USF3: variants seen among roughly 807,000 people sequenced by gnomAD.
USF3 encodes the protein basic helix-loop-helix domain-containing protein USF3.
A neutral mutation model predicts 157.5 loss-of-function variants in USF3; 29 were observed. That is an observed-to-expected ratio of 0.18 (90% CI 0.14 to 0.25). The LOEUF (loss-of-function observed/expected upper bound fraction) is 0.25, where lower values mean the gene tolerates loss of function less well. Ranked by LOEUF, USF3 falls within the 10% of genes least tolerant of loss-of-function variation. The pLI, the probability that USF3 is intolerant of heterozygous loss-of-function variation, is 1.00. For synonymous variants in USF3, 893 were observed against 941.4 expected (o/e 0.95, Z 0.94); for missense variants, 2,381 against 2,667.6 (o/e 0.89, Z 2.37).
rs905357962 is a variant in USF3 at position 113,656,789 on chromosome 3, C to G, written c.4893G>C (p.Leu1631Phe). 2 of 1,614,190 alleles carry G rather than the reference C, an allele frequency of 1.2e-6. No homozygotes were observed. The highest frequency in any genetic ancestry group is 1.7e-5 in the Admixed American group (1 of 60,024). ...TTTGCTGCTCTAAGCCTCTTGATGTCAAAAGCCTCTGCATTGGATTATGGC... is the reference window on the plus strand; with the variant it reads ...TTTGCTGCTCTAAGCCTCTTGATGTGAAAAGCCTCTGCATTGGATTATGGC... ...VSGHNPMQRL[L>F]TSRGLEQQMV... Residue 1631 changes from leucine (L) to phenylalanine (F), a missense_variant, in exon 7 of 7, where the codon TTG becomes TTC. Coordinates refer to ENST00000316407, the MANE Select transcript of USF3 (RefSeq NM_001009899.4).
rs5851904 is a variant in USF3 at position 113,652,108 on chromosome 3, A to AGTGTGTGTGTGTGTGTGTGTGTGTGT, written c.*2810_*2835dup. On this transcript the variant is annotated 3_prime_UTR_variant, in exon 7 of 7. Transcript: ENST00000316407. Reference sequence around the variant, plus strand: ...TGGAGAGAGAGAGAGAGAGAGAGAGAGTGTGTGTGTGTGTGTGTGTGTGTG... The same window carrying AGTGTGTGTGTGTGTGTGTGTGTGTGT: ...TGGAGAGAGAGAGAGAGAGAGAGAGAGTGTGTGTGTGTGTGTGTGTGTGTGTGTGTGTGTGTGTGTGTGTGTGTGTG... 1.4e-5 allele frequency: 2 copies of AGTGTGTGTGTGTGTGTGTGTGTGTGT among 142,084 alleles called. No individual in the cohort carries two copies. The highest frequency in any genetic ancestry group is 5.2e-5 in the African/African-American group (2 of 38,386). 8.8% of individuals were successfully genotyped at this position (142,084 alleles called of 1,614,324 possible).
intron 5 of USF3, among the ~76,000 whole-genome samples, chr3:113,665,968 T>G (rs2107932710): frequency 6.6e-6 from 1 of 152,272 alleles, no homozygotes; most frequent in South Asian, 2.1e-4. Context: ...GCAGATCACC[T>G]GAGGTCAGGA....
chr3:113,658,924 T>C lies in USF3; in HGVS notation c.2758A>G (p.Thr920Ala), dbSNP rs750621060. Residue 920 changes from threonine (T) to alanine (A), a missense_variant, in exon 7 of 7, where the codon ACA (threonine) becomes GCA (alanine). This residue lies in a region of USF3 where 1,435 missense variants were observed against 1,550.9 expected (regional missense o/e 0.93). Coordinates refer to ENST00000316407, the MANE Select transcript of USF3 (RefSeq NM_001009899.4). ...CTACTTGGTGGTTTATCCTGAGATGTCTCTTGTTGTAGATTAGGGGTAGAA... is the reference window on the plus strand; with the variant it reads ...CTACTTGGTGGTTTATCCTGAGATGCCTCTTGTTGTAGATTAGGGGTAGAA... Reference protein sequence around the residue: ...KDSTPNLQQETSQDKPPSSLA... With the variant: ...KDSTPNLQQEASQDKPPSSLA... 5.6e-6 allele frequency: 9 copies of C among 1,614,202 alleles called. No homozygotes were observed. The Admixed American group carries it at 1.5e-4, about 27-fold the overall frequency.
intron 1 of USF3, among the ~76,000 whole-genome samples, chr3:113,680,446 T>C (rs1707387880): frequency 6.6e-6 from 1 of 152,160 alleles, no homozygotes; most frequent in Non-Finnish European, 1.5e-5. Context: ...TACTGTCTAC[T>C]TTTTCATTTT....
intron 5 of USF3, among the ~76,000 whole-genome samples, chr3:113,667,865 AAAACAAAC>A (rs10641398): frequency 6.4e-4 from 96 of 150,650 alleles, no homozygotes; most frequent in South Asian, 1.9e-3. Context: ...AGACTGTCTC[AAAACAAAC>A]AAACAAACAA....
chr3:113,673,765 C>T (rs538654277), intron 3 of USF3, among the ~76,000 whole-genome samples: 20 of 152,154 alleles, frequency 1.3e-4, no homozygotes, highest in Admixed American at 5.2e-4. Context: ...TGGACCAGTA[C>T]GGGTGTGCGT....
intron 2 of USF3, among the ~76,000 whole-genome samples, chr3:113,675,374 A>C (rs1319612136): frequency 2.0e-5 from 3 of 152,238 alleles, no homozygotes; most frequent in Admixed American, 6.5e-5. Flanking sequence ...CATGAAAGCA[A>C]GCATTCATTC....
At position 113,658,250 on chromosome 3, in the gene USF3, C is replaced by G. The variant is rs1163559849; in HGVS notation, c.3432G>C (p.Glu1144Asp). Residue 1144 changes from glutamate (E) to aspartate (D), a missense_variant, in exon 7 of 7, where the codon GAG becomes GAC. By Grantham distance (45) the Glu-to-Asp change is conservative. This residue lies in a region of USF3 where 1,435 missense variants were observed against 1,550.9 expected (regional missense o/e 0.93). Transcript: ENST00000316407. ...GGCCAACTCTCCCCTTCTCAAGGTT[C>G]TCCTGGTCAAAAATAGCTCTTGCTG... is the stretch of plus-strand genomic sequence containing the variant. ...ALAARAIFDQ[E>D]NLEKGRVGLQ... 6.2e-7 allele frequency: 1 copy of G among 1,614,108 alleles called. No homozygotes were observed.
intron 6 of USF3, among the ~76,000 whole-genome samples, chr3:113,664,076 G>A (rs1334446192): frequency 6.6e-6 from 1 of 152,140 alleles, no homozygotes; most frequent in Non-Finnish European, 1.5e-5. Context: ...GAAATACACA[G>A]AAGAGTTCAA....
intron 5 of USF3, among the ~76,000 whole-genome samples, chr3:113,669,251 T>C (rs146979598): frequency 5.9e-5 from 9 of 151,890 alleles, no homozygotes; most frequent in African/African-American, 2.2e-4. Context: ...AGTCAATAGA[T>C]AATCTCTAAA....
At position 113,650,545 on chromosome 3, in the gene USF3, TA is replaced by T. The variant is rs1309934228; in HGVS notation, c.*4398del. 1.3e-5 allele frequency: 2 copies of T among 152,192 alleles called. No individual in the cohort carries two copies. The highest frequency in any genetic ancestry group is 2.9e-5 in the Non-Finnish European group (2 of 68,026). 9.4% of individuals were successfully genotyped at this position (152,192 alleles called of 1,614,324 possible). On this transcript the variant is annotated 3_prime_UTR_variant, in exon 7 of 7. Coordinates refer to ENST00000316407, the MANE Select transcript of USF3 (RefSeq NM_001009899.4). ...AAGTGCCTACCTATCAAAGGGAAGA[TA>T]AAGCTAAGAAGATGCATATTCATAA...
Position 113,659,224 on chromosome 3 carries a change from C to T in USF3, c.2458G>A (p.Val820Met), listed in dbSNP as rs368649057. ...SACPLNSVRD[V>M]SKLDCPNTEG... ...GTGTTGGGGCAGTCTAACTTGCTCACATCTCTGACTGAATTCAGGGGACAC... is the reference window on the plus strand; with the variant it reads ...GTGTTGGGGCAGTCTAACTTGCTCATATCTCTGACTGAATTCAGGGGACAC... Residue 820 changes from valine (V) to methionine (M), a missense_variant, in exon 7 of 7, where the codon GTG becomes ATG. Coordinates refer to ENST00000316407, the MANE Select transcript of USF3 (RefSeq NM_001009899.4). The T allele has an allele frequency of 3.8e-5, 62 of 1,614,168 alleles. No homozygotes were observed. In the African/African-American group the frequency reaches 7.9e-4, roughly 20 times the overall value.
intron 6 of USF3, among the ~76,000 whole-genome samples, chr3:113,663,430 G>T (rs1402686338): frequency 6.6e-6 from 1 of 152,134 alleles, no homozygotes; most frequent in East Asian, 1.9e-4. Context: ...AAAGACCTGG[G>T]CCATAAACAC....
At chr3:113,670,870 T>C (rs1707139721) in intron 4 of USF3, among the ~76,000 whole-genome samples, 1 of 152,032 alleles carries the variant, frequency 6.6e-6, no homozygotes, top group Non-Finnish European at 1.5e-5. Flanking sequence ...GCCTCCCGAA[T>C]AGCTGGGACC....
At chr3:113,666,985 C>T (rs1435267422) in intron 5 of USF3, among the ~76,000 whole-genome samples, 2 of 152,116 alleles carry the variant, frequency 1.3e-5, no homozygotes, top group Admixed American at 1.3e-4. Flanking sequence ...TTTTATCCTT[C>T]AGCTATCAAG....
At position 113,659,985 on chromosome 3, in the gene USF3, A is replaced by G. The variant is rs1947451573; in HGVS notation, c.1697T>C (p.Val566Ala). The part of the protein sequence containing the change: ...QPPSTTPCPT[V>A]MRAEVSNQTV... ...TTGGTTGGAAACTTCTGCCCTCATC[A>G]CTGTTGGGCATGGGGTGGTGCTAGG... Residue 566 changes from valine (V) to alanine (A), a missense_variant, in exon 7 of 7, where the codon GTG becomes GCG. Physicochemically the swap from Val to Ala is moderately conservative, Grantham distance 64. Transcript: ENST00000316407. The G allele has an allele frequency of 1.9e-6, 3 of 1,614,050 alleles. No homozygotes were observed. The highest frequency in any genetic ancestry group is 2.5e-6 in the Non-Finnish European group (3 of 1,180,028).
Position 113,659,336 on chromosome 3 carries a change from G to C in USF3, c.2346C>G (p.Asn782Lys). The C allele has an allele frequency of 6.2e-7, 1 of 1,614,218 alleles. No homozygotes were observed. The highest frequency in any genetic ancestry group is 1.7e-5 in the Admixed American group (1 of 60,034). The change falls in exon 7 of 7, where the codon AAC (asparagine) becomes AAG (lysine). Residue 782 changes from asparagine to lysine, a missense_variant. Coordinates refer to ENST00000316407, the MANE Select transcript of USF3 (RefSeq NM_001009899.4). ...TCATGTTAGGCAAACAAGCAACAGT[G>C]TTCATTGAGGAAGTACTCACTAGAT... ...TYNLVSTSSM[N>K]TVACLPNMKS...
chr3:113,655,434 A>C lies in USF3; in HGVS notation c.6248T>G (p.Phe2083Cys). Residue 2083 changes from phenylalanine (F) to cysteine (C), a missense_variant, in exon 7 of 7, where the codon TTC becomes TGC. Transcript: ENST00000316407. Reference sequence around the variant, plus strand: ...ACTAGGCTGAGTAACCTGTGGAATGAAAGAAGCATTAGCATTTATTGGTGG... The same window carrying C: ...ACTAGGCTGAGTAACCTGTGGAATGCAAGAAGCATTAGCATTTATTGGTGG... ...MNPPINANAS[F>C]IPQVTQPSAT... The C allele has an allele frequency of 6.2e-7, 1 of 1,614,168 alleles. No individual in the cohort carries two copies.
intron 1 of USF3, among the ~76,000 whole-genome samples, chr3:113,683,464 C>CTTTTTTTT (rs5851905): frequency 4.7e-4 from 41 of 87,112 alleles, no homozygotes; most frequent in Non-Finnish European, 5.5e-4. Context: ...TTATCCCCTG[C>CTTTTTTTT]TTTTTTTTTT....
Sources: gnomAD v4.1 joint callset for allele counts (sites outside exome capture counted in the v4.1 genomes callset) on GRCh38, gnomAD v4.1.1 for gene constraint, gnomAD v4.1.1 regional missense constraint, MANE v1.5 for transcripts, NCBI Gene and HGNC (gene_info 2026-07-23, HGNC 2026-07-21) for gene names.